CFAP418: variants seen among roughly 807,000 people sequenced by gnomAD.
The protein encoded by CFAP418 is cilia and flagella associated protein 418, also known as cilia- and flagella-associated protein 418.
A neutral mutation model predicts 24.7 loss-of-function variants in CFAP418; 27 were observed. That is an observed-to-expected ratio of 1.09 (90% confidence interval 0.81 to 1.51). CFAP418 has a LOEUF of 1.51. CFAP418 is among the 40% of genes most tolerant of loss of function. The pLI, the probability that CFAP418 is intolerant of heterozygous loss-of-function variation, is 0.00. For missense variants in CFAP418, 257 were observed against 255.2 expected (o/e 1.01, Z -0.05); for synonymous variants, 74 against 87.3 (o/e 0.85, Z 0.85).
chr8:95,259,781 T>G, intron 4 of CFAP418, 59 bp downstream of exon 4: 1 of 1,194,910 alleles, frequency 8.4e-7, no homozygotes, highest in Non-Finnish European at 1.2e-6. Context: ...ATTTTAACAA[T>G]GGGGCATCCA....
intron 4 of CFAP418, among the ~76,000 whole-genome samples, chr8:95,255,868 A>G (rs1035266844): frequency 2.6e-5 from 4 of 152,262 alleles, no homozygotes; most frequent in African/African-American, 4.8e-5. Flanking sequence ...TTGCATATGC[A>G]GATGAACACA....
At position 95,247,783 on chromosome 8, in the gene CFAP418, C is replaced by G; in HGVS notation, c.471-13G>C. 1 of 1,580,234 alleles carries G rather than the reference C, an allele frequency of 6.3e-7. No individual in the cohort carries two copies. Among genetic ancestry groups the G allele is most frequent in the Non-Finnish European group, 8.6e-7 (1 of 1,163,138 alleles). ...TGGCATGTTGTTCCTATTAGTAAAA[C>G]AGGAAAGTTTTAGCATAGTGGCTTT... On this transcript the variant is annotated splice_polypyrimidine_tract_variant and intron_variant, in intron 5 of 5. Coordinates refer to ENST00000286688, the MANE Select transcript of CFAP418 (RefSeq NM_177965.4).
chr8:95,263,097 A>G (rs1811920872), intron 2 of CFAP418, among the ~76,000 whole-genome samples: 1 of 152,156 alleles, frequency 6.6e-6, no homozygotes, highest in South Asian at 2.1e-4. Flanking sequence ...GAGGTCTTAA[A>G]CTATATCTTT....
intron 1 of CFAP418, chr8:95,268,792 G>C (rs62524393): frequency 0.036 from 10,295 of 289,850 alleles, 343 homozygotes; most frequent in South Asian, 0.072. Flanking sequence ...GGGCGGGGCG[G>C]GGGCCAGCCC....
intron 5 of CFAP418, among the ~76,000 whole-genome samples, 190 bp from the exon 6 acceptor site, chr8:95,247,960 G>T (rs777531014): frequency 6.6e-6 from 1 of 151,966 alleles, no homozygotes; most frequent in Non-Finnish European, 1.5e-5. Flanking sequence ...CTTCCCCTCA[G>T]CCTTCCAAGT....
intron 4 of CFAP418, among the ~76,000 whole-genome samples, chr8:95,259,045 T>G (rs186874290): frequency 8.5e-5 from 13 of 152,300 alleles, no homozygotes; most frequent in Middle Eastern, 3.4e-3. Flanking sequence ...TATACAACAG[T>G]TAGCCCTCCA....
chr8:95,246,431 C>T lies in CFAP418; in HGVS notation c.*1186G>A, dbSNP rs1455501708. On this transcript the variant is annotated 3_prime_UTR_variant, in exon 6 of 6. Transcript: ENST00000286688. ...AAAGGATTCTAATGATCAGATCTTC[C>T]TCCCTTCAGTAGGGTGGCTGGAATA... 7 of 152,202 alleles carry T rather than the reference C, an allele frequency of 4.6e-5. No homozygotes were observed. Among genetic ancestry groups the T allele is most frequent in the Non-Finnish European group, 1.0e-4 (7 of 68,030 alleles). 9.4% of individuals were successfully genotyped at this position (152,202 alleles called of 1,614,324 possible). A position where few individuals can be genotyped will look rare whatever the true frequency, so the allele number is the denominator to read the frequency against.
chr8:95,267,988 A>C (rs35543354), intron 1 of CFAP418, among the ~76,000 whole-genome samples: 13,795 of 152,120 alleles, frequency 0.091, 688 homozygotes, highest in Non-Finnish European at 0.11. Flanking sequence ...GTTTTTAGAT[A>C]AAAAACCAAA....
chr8:95,263,671 A>G lies in CFAP418; in HGVS notation c.243+16T>C. ...ATAATGACAGAATTACTACATATTT[A>G]TAACACTTGACTTACAGAGGGTTTT... On this transcript the variant is annotated intron_variant, in intron 2 of 5. Transcript: ENST00000286688. 2.7e-6 allele frequency: 4 copies of G among 1,498,174 alleles called. No homozygotes were observed. Among genetic ancestry groups the G allele is most frequent in the African/African-American group, 1.4e-5 (1 of 72,506 alleles). 92.8% of individuals were successfully genotyped at this position (1,498,174 alleles called of 1,614,324 possible). A position where few individuals can be genotyped will look rare whatever the true frequency, so the allele number is the denominator to read the frequency against.
chr8:95,258,834 T>C (rs549809598), intron 4 of CFAP418, among the ~76,000 whole-genome samples: 7 of 152,358 alleles, frequency 4.6e-5, no homozygotes, highest in Admixed American at 2.0e-4. Flanking sequence ...GCCTACTGTA[T>C]TCAGTGCGGT....
Position 95,269,114 on chromosome 8 carries a change from T to C in CFAP418, c.76A>G (p.Met26Val), listed in dbSNP as rs1586043136. Residue 26 changes from methionine (M) to valine (V), a missense_variant, in exon 1 of 6, where the codon ATG becomes GTG. Met to Val is a conservative substitution (Grantham distance 21). Transcript: ENST00000286688. ...FCTPDLLRRG[M>V]VEQPKGCGGG... is the part of the protein sequence containing the mutation. ...CCGCAGCCTTTGGGCTGCTCGACCA[T>C]ACCCCGTCTTAGAAGGTCAGGTGTG... The C allele has an allele frequency of 6.2e-7, 1 of 1,613,828 alleles. No individual in the cohort carries two copies. Among genetic ancestry groups the C allele is most frequent in the South Asian group, 1.1e-5 (1 of 91,064 alleles).
chr8:95,257,687 G>T (rs536236340), intron 4 of CFAP418, among the ~76,000 whole-genome samples: 2 of 152,212 alleles, frequency 1.3e-5, no homozygotes, highest in South Asian at 4.1e-4. Context: ...TGTGTTTGTG[G>T]TGACGCTGAT....
At chr8:95,249,165 A>T (rs1422199729) in intron 5 of CFAP418, among the ~76,000 whole-genome samples, 1 of 152,248 alleles carries the variant, frequency 6.6e-6, no homozygotes, top group East Asian at 1.9e-4. Context: ...CTGAATCCTT[A>T]GCGATTTTAG....
Position 95,268,793 on chromosome 8 carries a change from G to A in CFAP418, c.155+242C>T, listed in dbSNP as rs1467077744. ...GGCGGGGCGGGGCGGGGCGGGGCGGGGGCCAGCCCTCTGGGGCATGCCGGG... is the reference window on the plus strand; with the variant it reads ...GGCGGGGCGGGGCGGGGCGGGGCGGAGGCCAGCCCTCTGGGGCATGCCGGG... On this transcript the variant is annotated intron_variant, in intron 1 of 5. Coordinates refer to ENST00000286688, the MANE Select transcript of CFAP418 (RefSeq NM_177965.4). 8 of 295,574 alleles carry A rather than the reference G, an allele frequency of 2.7e-5. 1 individual carries two copies. Among genetic ancestry groups the A allele is most frequent in the African/African-American group, 8.9e-5 (4 of 45,066 alleles). The allele number at this position is 295,574 out of a possible 1,614,324, so 18.3% of individuals were successfully genotyped here. A position where few individuals can be genotyped will look rare whatever the true frequency, so the allele number is the denominator to read the frequency against.
chr8:95,267,875 TG>T (rs972873652), intron 1 of CFAP418, among the ~76,000 whole-genome samples: 37 of 150,758 alleles, frequency 2.5e-4, no homozygotes, highest in Middle Eastern at 6.8e-3. Context: ...GCAAACATTT[TG>T]TTTTTTTTTT....
chr8:95,268,650 G>A (rs1021648288), intron 1 of CFAP418, among the ~76,000 whole-genome samples: 1 of 152,026 alleles, frequency 6.6e-6, no homozygotes, highest in Non-Finnish European at 1.5e-5. Flanking sequence ...TCGGGGTTAA[G>A]AACGGGGCGC....
intron 1 of CFAP418, chr8:95,268,796 C>A: frequency 3.5e-6 from 1 of 285,438 alleles, no homozygotes; most frequent in Non-Finnish European, 6.4e-6. Context: ...GGGGCGGGGG[C>A]CAGCCCTCTG....
intron 1 of CFAP418, among the ~76,000 whole-genome samples, chr8:95,264,122 A>G (rs1291707544): frequency 6.6e-6 from 1 of 152,202 alleles, no homozygotes; most frequent in African/African-American, 2.4e-5. Flanking sequence ...ACCTGATATT[A>G]TAAACAAAGA....
Position 95,245,398 on chromosome 8 carries a change from A to G in CFAP418, c.*2219T>C, listed in dbSNP as rs1251710961. 1 of 152,216 alleles carries G rather than the reference A, an allele frequency of 6.6e-6. No homozygotes were observed. Among genetic ancestry groups the G allele is most frequent in the Non-Finnish European group, 1.5e-5 (1 of 68,030 alleles). The allele number at this position is 152,216 out of a possible 1,614,324, so 9.4% of individuals were successfully genotyped here. On this transcript the variant is annotated 3_prime_UTR_variant, in exon 6 of 6. Coordinates refer to ENST00000286688, the MANE Select transcript of CFAP418 (RefSeq NM_177965.4). Reference sequence around the variant, plus strand: ...ATGTTATGGAATGCCAAACATAGGCAATGTATGTAAGTTTTAGGATAGTTA... The same window carrying G: ...ATGTTATGGAATGCCAAACATAGGCGATGTATGTAAGTTTTAGGATAGTTA...
Sources: allele counts gnomAD v4.1 joint callset (sites outside exome capture counted in the v4.1 genomes callset), GRCh38; gene constraint gnomAD v4.1.1; transcripts MANE v1.5; gene names NCBI Gene and HGNC (gene_info 2026-07-23, HGNC 2026-07-21).